The following ERGIC1 variants were observed in gnomAD, a reference collection of about 807,000 sequenced individuals.
ERGIC1 encodes the protein endoplasmic reticulum-Golgi intermediate compartment protein 1.
ERGIC1 carries 19 observed loss-of-function variants against 38.3 expected under a neutral mutation model. The ratio of observed to expected loss-of-function variants is 0.50; its 90% CI spans 0.35 to 0.73. The LOEUF is 0.73. Among genes scored for constraint, ERGIC1 ranks in the 30% least tolerant of loss-of-function variants. ERGIC1 has a pLI of 0.01. For synonymous variants in ERGIC1, 124 were observed against 157.6 expected, an observed-to-expected ratio of 0.79 and a Z score of 1.60; for missense variants, 294 against 389.2, an observed-to-expected ratio of 0.76 and a Z score of 2.06.
intron 1 of ERGIC1, among the ~76,000 whole-genome samples, chr5:172,879,581 T>C (rs548708251): frequency 7.2e-4 from 109 of 152,338 alleles, no homozygotes; most frequent in Middle Eastern, 3.4e-3. Flanking sequence ...TTGTTTTTTT[T>C]CCAAGTGAGC....
intron 1 of ERGIC1, among the ~76,000 whole-genome samples, chr5:172,875,037 G>A (rs991177212): frequency 1.3e-5 from 2 of 152,132 alleles, no homozygotes; most frequent in Non-Finnish European, 2.9e-5. Flanking sequence ...AGATGCAAAG[G>A]CAGAACCTTC....
intron 2 of ERGIC1, among the ~76,000 whole-genome samples, chr5:172,895,655 A>G (rs992391300): frequency 3.3e-5 from 5 of 152,090 alleles, no homozygotes; most frequent in African/African-American, 1.2e-4. Flanking sequence ...CAGACAAAAG[A>G]GTGACCAGCT....
chr5:172,902,889 A>C (rs768839973), intron 3 of ERGIC1, among the ~76,000 whole-genome samples: 1 of 152,088 alleles, frequency 6.6e-6, no homozygotes, highest in Non-Finnish European at 1.5e-5. Context: ...CAAAAAGCAA[A>C]TAAAATTGTT....
intron 1 of ERGIC1, among the ~76,000 whole-genome samples, chr5:172,847,815 A>T (rs1204544099): frequency 6.6e-6 from 1 of 152,316 alleles, no homozygotes; most frequent in East Asian, 1.9e-4. Flanking sequence ...GCCCGGCCAC[A>T]TGTGTTATTT....
intron 1 of ERGIC1, among the ~76,000 whole-genome samples, chr5:172,863,277 A>G (rs1243956738): frequency 6.6e-6 from 1 of 152,200 alleles, no homozygotes; most frequent in Non-Finnish European, 1.5e-5. Context: ...AAAAAGTGAG[A>G]TTATTAAGTG....
intron 2 of ERGIC1, 55 bp from the exon 3 acceptor site, chr5:172,896,947 C>G: frequency 2.6e-6 from 4 of 1,550,664 alleles, no homozygotes; most frequent in Non-Finnish European, 3.6e-6. Context: ...AGGCTGGTCT[C>G]CCTTCGTCAG....
intron 3 of ERGIC1, among the ~76,000 whole-genome samples, chr5:172,900,206 C>G (rs1762833890): frequency 6.6e-6 from 1 of 152,114 alleles, no homozygotes; most frequent in African/African-American, 2.4e-5. Context: ...CGCAGAATGC[C>G]CGGGAGCATT....
At chr5:172,857,091 G>A (rs963640415) in intron 1 of ERGIC1, among the ~76,000 whole-genome samples, 3 of 152,190 alleles carry the variant, frequency 2.0e-5, no homozygotes, top group African/African-American at 7.2e-5. Flanking sequence ...GGAACATGAT[G>A]TACGCTGAAG....
intron 1 of ERGIC1, among the ~76,000 whole-genome samples, chr5:172,858,891 A>T (rs1476022052): frequency 6.6e-6 from 1 of 152,180 alleles, no homozygotes; most frequent in Non-Finnish European, 1.5e-5. Context: ...GGGGGAGATT[A>T]CTGTTTGAAG....
intron 5 of ERGIC1, among the ~76,000 whole-genome samples, chr5:172,921,108 T>C (rs1763505485): frequency 6.6e-6 from 1 of 152,228 alleles, no homozygotes; most frequent in African/African-American, 2.4e-5. Context: ...GGCTGCTTTG[T>C]ATGCATCACC....
At chr5:172,932,645 G>A (rs1482047362) in intron 8 of ERGIC1, 109 bp downstream of exon 8, 1 of 1,148,300 alleles carries the variant, frequency 8.7e-7, no homozygotes, top group Non-Finnish European at 1.3e-6. Flanking sequence ...TTCCTTTCTG[G>A]AGGCCTTTCC....
At chr5:172,849,927 A>G (rs116747533) in intron 1 of ERGIC1, among the ~76,000 whole-genome samples, 2,106 of 152,328 alleles carry the variant, frequency 0.014, 29 homozygotes, top group Non-Finnish European at 0.023. Flanking sequence ...CAGTGCTACA[A>G]ACTATAAATA....
rs751685659 is a variant in ERGIC1 at position 172,834,470 on chromosome 5, C to A, written c.20+37C>A. 7.7e-7 allele frequency: 1 copy of A among 1,303,358 alleles called. No individual in the cohort carries two copies. Among genetic ancestry groups the A allele is most frequent in the South Asian group, 2.2e-5 (1 of 45,174 alleles). 80.7% of individuals were successfully genotyped at this position (1,303,358 alleles called of 1,614,324 possible). ...GACCCCGGCCAGTCGGGAGTTCCCT[C>A]AGCGGGCAGAGGGAGCGCCCCGGCA... On this transcript the variant is annotated intron_variant, in intron 1 of 9. Transcript: ENST00000393784. The surrounding 1 kb of genome is among the most constrained non-coding windows in gnomAD (Gnocchi z 4.1).
intron 1 of ERGIC1, among the ~76,000 whole-genome samples, chr5:172,884,784 T>C (rs1762377487): frequency 6.6e-6 from 1 of 152,236 alleles, no homozygotes; most frequent in Non-Finnish European, 1.5e-5. Flanking sequence ...ATCTTCTCTA[T>C]GGAAAGAGCT....
chr5:172,915,148 C>T, intron 5 of ERGIC1: 1 of 660,058 alleles, frequency 1.5e-6, no homozygotes, highest in Non-Finnish European at 2.8e-6. Context: ...AGCTCTACCC[C>T]TTCTTGGCCC....
intron 1 of ERGIC1, among the ~76,000 whole-genome samples, chr5:172,839,848 C>T (rs1213083758): frequency 6.6e-6 from 1 of 152,180 alleles, no homozygotes; most frequent in Non-Finnish European, 1.5e-5. Context: ...GAAACACGGT[C>T]GTTCCCGTTC....
At chr5:172,877,392 T>C (rs1234456680) in intron 1 of ERGIC1, among the ~76,000 whole-genome samples, 2 of 150,740 alleles carry the variant, frequency 1.3e-5, no homozygotes, top group Non-Finnish European at 3.0e-5. Flanking sequence ...CTCAAATTTA[T>C]CTCTAAATAT....
intron 3 of ERGIC1, among the ~76,000 whole-genome samples, chr5:172,902,083 C>G (rs971093308): frequency 6.6e-6 from 1 of 152,206 alleles, no homozygotes; most frequent in Non-Finnish European, 1.5e-5. Context: ...GGCTCAGCAC[C>G]TCCCCTCTGT....
chr5:172,936,477 C>T (rs555737767), intron 9 of ERGIC1: 5 of 152,434 alleles, frequency 3.3e-5, no homozygotes, highest in Middle Eastern at 3.4e-3. Flanking sequence ...CCATCCAAAC[C>T]GCAGGGACAC....
Sources: allele counts gnomAD v4.1 joint callset (sites outside exome capture counted in the v4.1 genomes callset), GRCh38; gene constraint gnomAD v4.1.1; non-coding constraint Gnocchi (gnomAD v3.1); transcripts MANE v1.5; gene names NCBI Gene and HGNC (gene_info 2026-07-23, HGNC 2026-07-21).